Variants in MYL9 observed in about 807,000 individuals in gnomAD.
The protein encoded by MYL9 is myosin light chain 9.
Under a neutral mutation model 12.8 loss-of-function variants are expected in MYL9, and 7 were observed. The observed-to-expected ratio is 0.55, with a 90% confidence interval of 0.31 to 1.03. MYL9 has a LOEUF of 1.03. Ranked by LOEUF, MYL9 falls within the 50% of genes least tolerant of loss-of-function variation. The pLI, the probability that MYL9 is intolerant of heterozygous loss-of-function variation, is 0.05. For synonymous variants in MYL9, 81 were observed against 87.8 expected (o/e 0.92, Z 0.43); for missense variants, 190 against 242.7 (o/e 0.78, Z 1.44).
At chr20:36,546,617 C>CT (rs200082574) in intron 2 of MYL9, among the ~76,000 whole-genome samples, 3 of 151,404 alleles carry the variant, frequency 2.0e-5, no homozygotes, top group East Asian at 1.9e-4. Context: ...CTCCAGGGTT[C>CT]TTTTTTTTTC....
At position 36,549,220 on chromosome 20, in the gene MYL9, A is replaced by C. The variant is rs2038141038; in HGVS notation, c.490A>C (p.Lys164Gln). Residue 164 changes from lysine (K) to glutamine (Q), a missense_variant, in exon 4 of 4, where the codon AAA becomes CAA. Physicochemically the swap from Lys to Gln is moderately conservative, Grantham distance 53 (BLOSUM62 1). Transcript: ENST00000279022. ...CTACGTGGAGTTCACCCGCATCCTC[A>C]AACATGGCGCCAAGGATAAAGACGA... Reference protein sequence around the residue: ...FNYVEFTRILKHGAKDKDD With the variant: ...FNYVEFTRILQHGAKDKDD 1 of 1,613,810 alleles carries C rather than the reference A, an allele frequency of 6.2e-7. No individual in the cohort carries two copies. Among genetic ancestry groups the C allele is most frequent in the African/African-American group, 1.3e-5 (1 of 75,004 alleles).
Position 36,548,203 on chromosome 20 carries a change from G to A in MYL9, c.346+10G>A, listed in dbSNP as rs372624710. ...GACGAGGAAGCCTCAGGTCCGTGGC[G>A]CCCCCTACCACCACTCTGCATGCAA... On this transcript the variant is annotated intron_variant, in intron 3 of 3. Coordinates refer to ENST00000279022, the MANE Select transcript of MYL9 (RefSeq NM_006097.5). 69 of 1,598,734 alleles carry A rather than the reference G, an allele frequency of 4.3e-5. No homozygotes were observed. In the Middle Eastern group the frequency reaches 6.7e-4, roughly 15 times the overall value.
intron 3 of MYL9, among the ~76,000 whole-genome samples, 192 bp downstream of exon 3, chr20:36,548,385 T>C (rs1486223990): frequency 1.3e-5 from 2 of 152,238 alleles, no homozygotes; most frequent in Non-Finnish European, 2.9e-5. Context: ...CCAAGACTCC[T>C]GCCTTCGTGA....
At chr20:36,543,545 G>A (rs942353154) in intron 1 of MYL9, among the ~76,000 whole-genome samples, 9 of 152,182 alleles carry the variant, frequency 5.9e-5, no homozygotes, top group African/African-American at 2.2e-4. Flanking sequence ...GTCTTCAGGC[G>A]CATATCCCCA....
intron 1 of MYL9, among the ~76,000 whole-genome samples, chr20:36,544,293 C>T (rs980555014): frequency 5.3e-5 from 8 of 152,038 alleles, no homozygotes; most frequent in African/African-American, 1.4e-4. Context: ...GAACCTCAGG[C>T]GGGCAGCAGA....
chr20:36,548,497 C>T (rs982366034), intron 3 of MYL9, among the ~76,000 whole-genome samples: 1 of 152,242 alleles, frequency 6.6e-6, no homozygotes, highest in African/African-American at 2.4e-5. Flanking sequence ...GAAACTGGCC[C>T]CCCTCCTCGG....
At chr20:36,548,597 C>CA (rs2038131499) in intron 3 of MYL9, among the ~76,000 whole-genome samples, 1 of 150,906 alleles carries the variant, frequency 6.6e-6, no homozygotes, top group East Asian at 1.9e-4. Flanking sequence ...CATGGGCCCG[C>CA]ACGGGCCTGA....
intron 2 of MYL9, among the ~76,000 whole-genome samples, chr20:36,547,187 G>A (rs1160591750): frequency 6.6e-6 from 1 of 152,196 alleles, no homozygotes; most frequent in Non-Finnish European, 1.5e-5. Context: ...GCTCATATCC[G>A]TGGGTCTGCA....
chr20:36,548,328 C>T, intron 3 of MYL9, 135 bp downstream of exon 3: 1 of 1,230,596 alleles, frequency 8.1e-7, no homozygotes, highest in Non-Finnish European at 1.1e-6. Context: ...AAAGCCAGGC[C>T]ACCTCCTTAT....
At position 36,544,852 on chromosome 20, in the gene MYL9, C is replaced by T; in HGVS notation, c.-26-7C>T. 1 of 1,448,750 alleles carries T rather than the reference C, an allele frequency of 6.9e-7. No homozygotes were observed. Among genetic ancestry groups the T allele is most frequent in the Non-Finnish European group, 9.5e-7 (1 of 1,050,726 alleles). 89.7% of individuals were successfully genotyped at this position (1,448,750 alleles called of 1,614,324 possible). On this transcript the variant is annotated splice_region_variant and splice_polypyrimidine_tract_variant and intron_variant, in intron 1 of 3. Coordinates refer to ENST00000279022, the MANE Select transcript of MYL9 (RefSeq NM_006097.5). ...CAGGGCCACCCAACCCCCACCCCTTCCTGCAGGGAAGCCCCACCCACCAGA... is the reference window on the plus strand; with the variant it reads ...CAGGGCCACCCAACCCCCACCCCTTTCTGCAGGGAAGCCCCACCCACCAGA...
rs1332213377 is a variant in MYL9 at position 36,549,402 on chromosome 20, A to G, written c.*153A>G. 1.2e-5 allele frequency: 8 copies of G among 687,004 alleles called. No homozygotes were observed. The highest frequency in any genetic ancestry group is 1.7e-5 in the Non-Finnish European group (7 of 411,662). The allele number at this position is 687,004 out of a possible 1,614,324, so 42.6% of individuals were successfully genotyped here. A position where few individuals can be genotyped will look rare whatever the true frequency, so the allele number is the denominator to read the frequency against. ...CCAGTGGAAGAAACAGGCCAGGAGA[A>G]GTGCGTGCCGAGCTGAGGCAGATGT... is the stretch of plus-strand genomic sequence containing the variant. On this transcript the variant is annotated 3_prime_UTR_variant, in exon 4 of 4. Coordinates refer to ENST00000279022, the MANE Select transcript of MYL9 (RefSeq NM_006097.5).
At chr20:36,544,802 AG>A in intron 1 of MYL9, 56 bp from the exon 2 acceptor site, 1 of 1,455,746 alleles carries the variant, frequency 6.9e-7, no homozygotes, top group Non-Finnish European at 9.3e-7. Flanking sequence ...TGGGGGAGGC[AG>A]GAAGATTCCC....
intron 3 of MYL9, 41 bp from the exon 4 acceptor site, chr20:36,549,036 G>T (rs1363397343): frequency 1.3e-6 from 2 of 1,595,324 alleles, no homozygotes; most frequent in East Asian, 4.5e-5. Context: ...GTATGTCTCA[G>T]CCCAAGTTCC....
intron 3 of MYL9, among the ~76,000 whole-genome samples, chr20:36,548,437 A>G (rs1322228278): frequency 6.6e-6 from 1 of 152,142 alleles, no homozygotes; most frequent in Non-Finnish European, 1.5e-5. Flanking sequence ...TCTGTTTTAG[A>G]CCTTTCCAGA....
At chr20:36,542,256 C>CT (rs1376891370) in intron 1 of MYL9, among the ~76,000 whole-genome samples, 1 of 152,176 alleles carries the variant, frequency 6.6e-6, no homozygotes, top group African/African-American at 2.4e-5. Flanking sequence ...AGCCCTCCAG[C>CT]TGCTCTAAGG....
intron 1 of MYL9, among the ~76,000 whole-genome samples, chr20:36,543,122 G>A (rs538182740): frequency 1.7e-4 from 26 of 152,316 alleles, no homozygotes; most frequent in South Asian, 4.1e-4. Context: ...GGAGGGGGCC[G>A]GCATCTGGGG....
rs112807575 is a variant in MYL9 at position 36,541,884 on chromosome 20, C to CG, written c.-27+331dup. 1.7e-3 allele frequency among the ~76,000 whole-genome samples: 251 copies of CG among 151,798 alleles called. 1 individual carries two copies. Among genetic ancestry groups the CG allele is most frequent in the South Asian group, 0.012 (57 of 4,800 alleles). Reference sequence around the variant, plus strand: ...GCTGGAGATGCCAAGCCCAGAGCTCCGGGGGGGGCTGGGGAGCCCGGGTAC... The same window carrying CG: ...GCTGGAGATGCCAAGCCCAGAGCTCCGGGGGGGGGCTGGGGAGCCCGGGTAC... On this transcript the variant is annotated intron_variant, in intron 1 of 3. Coordinates refer to ENST00000279022, the MANE Select transcript of MYL9 (RefSeq NM_006097.5).
chr20:36,547,714 G>T (rs555721059), intron 2 of MYL9, among the ~76,000 whole-genome samples: 1 of 152,228 alleles, frequency 6.6e-6, no homozygotes, highest in Non-Finnish European at 1.5e-5. Context: ...TCACAGGGTG[G>T]TGAAAGTTAA....
chr20:36,547,265 G>A (rs2038112251), intron 2 of MYL9, among the ~76,000 whole-genome samples: 1 of 152,156 alleles, frequency 6.6e-6, no homozygotes, highest in Non-Finnish European at 1.5e-5. Context: ...AAGAAGCCCT[G>A]CAGGTATTAT....
Sources: gnomAD v4.1 joint callset for allele counts (sites outside exome capture counted in the v4.1 genomes callset) on GRCh38, gnomAD v4.1.1 for gene constraint, MANE v1.5 for transcripts, NCBI Gene and HGNC (gene_info 2026-07-23, HGNC 2026-07-21) for gene names.